Variants in KATNAL1 observed in about 807,000 individuals in gnomAD.
KATNAL1 encodes katanin p60 ATPase-containing subunit A-like 1.
KATNAL1 carries 32 observed loss-of-function variants against 55.2 expected under a neutral mutation model. That is an observed-to-expected ratio of 0.58 (90% CI 0.44 to 0.78). The LOEUF (loss-of-function observed/expected upper bound fraction) is 0.78, where lower values mean the gene tolerates loss of function less well. KATNAL1 is among the 30% of genes least tolerant of loss of function. KATNAL1 has a pLI of 0.00. For synonymous variants in KATNAL1, 193 were observed against 193.6 expected, an observed-to-expected ratio of 1.00 and a Z score of 0.02; for missense variants, 466 against 600.9, an observed-to-expected ratio of 0.78 and a Z score of 2.35.
At chr13:30,288,431 A>G (rs1162496277) in intron 1 of KATNAL1, among the ~76,000 whole-genome samples, 1 of 152,242 alleles carries the variant, frequency 6.6e-6, no homozygotes, top group Non-Finnish European at 1.5e-5. Context: ...CTCAGAAAAC[A>G]TACCTATTGC....
chr13:30,274,865 T>G (rs927460717), intron 3 of KATNAL1, among the ~76,000 whole-genome samples: 3 of 143,160 alleles, frequency 2.1e-5, no homozygotes, highest in Non-Finnish European at 3.1e-5. Flanking sequence ...GCATATATGT[T>G]GGGGGCGGGG....
intron 4 of KATNAL1, among the ~76,000 whole-genome samples, chr13:30,243,743 C>T (rs1230492852): frequency 2.0e-5 from 3 of 151,936 alleles, no homozygotes; most frequent in Admixed American, 6.6e-5. Flanking sequence ...TAAGCTACCA[C>T]GCATCGGAAA....
chr13:30,305,753 C>T (rs754354254), intron 1 of KATNAL1, among the ~76,000 whole-genome samples: 17 of 152,248 alleles, frequency 1.1e-4, no homozygotes, highest in Admixed American at 2.6e-4. Flanking sequence ...CTTATCTCTA[C>T]CACACTACTG....
At chr13:30,234,867 G>A (rs926405247) in intron 6 of KATNAL1, among the ~76,000 whole-genome samples, 8 of 152,154 alleles carry the variant, frequency 5.3e-5, no homozygotes, top group Non-Finnish European at 7.3e-5. Context: ...TTACCCTAGC[G>A]ACAGGATTAT....
At chr13:30,251,836 G>C (rs10488669) in intron 4 of KATNAL1, among the ~76,000 whole-genome samples, 16,566 of 152,202 alleles carry the variant, frequency 0.11, 1,157 homozygotes, top group Non-Finnish European at 0.16. Flanking sequence ...AATAAACAGA[G>C]TACTAACTAG....
At chr13:30,228,625 A>G (rs1254644490) in intron 8 of KATNAL1, among the ~76,000 whole-genome samples, 1 of 152,250 alleles carries the variant, frequency 6.6e-6, no homozygotes, top group Non-Finnish European at 1.5e-5. Context: ...TACTTTAGCA[A>G]AAGTTAACAT....
intron 3 of KATNAL1, among the ~76,000 whole-genome samples, chr13:30,264,039 C>T (rs76903390): frequency 0.69 from 98,001 of 141,968 alleles, 34,434 homozygotes; most frequent in East Asian, 0.89. Flanking sequence ...TATAGATCAA[C>T]GGAACAAAAC....
chr13:30,287,539 C>A (rs1041886625), intron 1 of KATNAL1, among the ~76,000 whole-genome samples: 9 of 152,200 alleles, frequency 5.9e-5, no homozygotes, highest in African/African-American at 1.9e-4. Flanking sequence ...TTCTTCATAG[C>A]AGCATGAGAA....
intron 4 of KATNAL1, among the ~76,000 whole-genome samples, chr13:30,251,580 C>G (rs1206844330): frequency 6.6e-6 from 1 of 152,156 alleles, no homozygotes; most frequent in East Asian, 1.9e-4. Context: ...ACCAAATCTG[C>G]TAGTGGCTTG....
intron 9 of KATNAL1, among the ~76,000 whole-genome samples, chr13:30,213,788 C>T (rs1433289747): frequency 6.6e-6 from 1 of 152,204 alleles, no homozygotes; most frequent in African/African-American, 2.4e-5. Context: ...ATAATAAGAG[C>T]TACCTATGAC....
At position 30,204,686 on chromosome 13, in the gene KATNAL1, T is replaced by TC. The variant is rs1358771995; in HGVS notation, c.*3853dup. The TC allele has an allele frequency of 6.6e-6, 1 of 152,230 alleles. No homozygotes were observed. Among genetic ancestry groups the TC allele is most frequent in the African/African-American group, 2.4e-5 (1 of 41,468 alleles). 9.4% of individuals were successfully genotyped at this position (152,230 alleles called of 1,614,324 possible). Reference sequence around the variant, plus strand: ...TTCCCCTGATGTATGTGTATGACTGTCCATAGATTCACCAGGTATTGGTTT... The same window carrying TC: ...TTCCCCTGATGTATGTGTATGACTGTCCCATAGATTCACCAGGTATTGGTTT... On this transcript the variant is annotated 3_prime_UTR_variant, in exon 11 of 11. Transcript: ENST00000380615.
intron 3 of KATNAL1, among the ~76,000 whole-genome samples, chr13:30,274,468 C>T (rs1880605239): frequency 6.6e-6 from 1 of 152,170 alleles, no homozygotes; most frequent in South Asian, 2.1e-4. Flanking sequence ...TATATGTATA[C>T]AGAAACACAG....
chr13:30,288,696 G>A (rs1224775505), intron 1 of KATNAL1, among the ~76,000 whole-genome samples: 1 of 152,198 alleles, frequency 6.6e-6, no homozygotes. Flanking sequence ...CAGATTGACA[G>A]CAGTTTCTCA....
chr13:30,244,197 T>C (rs1877557414), intron 4 of KATNAL1, among the ~76,000 whole-genome samples: 1 of 152,032 alleles, frequency 6.6e-6, no homozygotes, highest in Admixed American at 6.6e-5. Flanking sequence ...TTTCTGTTCC[T>C]GTGTTAGTTT....
At chr13:30,261,776 T>TTTCC (rs1435908194) in intron 3 of KATNAL1, among the ~76,000 whole-genome samples, 1 of 152,012 alleles carries the variant, frequency 6.6e-6, no homozygotes, top group African/African-American at 2.4e-5. Flanking sequence ...ATGGGAGACT[T>TTTCC]TAACACCCCA....
chr13:30,286,960 C>T (rs1046017075), intron 1 of KATNAL1, among the ~76,000 whole-genome samples: 1 of 152,200 alleles, frequency 6.6e-6, no homozygotes, highest in Non-Finnish European at 1.5e-5. Context: ...GCCTATATCC[C>T]TTTGTTTTAG....
Position 30,244,235 on chromosome 13 carries a change from C to G in KATNAL1, c.493-3149G>C, listed in dbSNP as rs375419426. On this transcript the variant is annotated intron_variant, in intron 4 of 10. Transcript: ENST00000380615. ...TGAGAATGATGGTTTCCAGCTTCAT[C>G]CATGTCCCTGCAAAGGACATGAACT... 1.8e-4 allele frequency among the ~76,000 whole-genome samples: 28 copies of G among 152,228 alleles called. No individual in the cohort carries two copies. In the East Asian group the frequency reaches 5.4e-3, roughly 29 times the overall value.
chr13:30,274,927 A>G (rs1295134973), intron 3 of KATNAL1, among the ~76,000 whole-genome samples: 33 of 150,950 alleles, frequency 2.2e-4, no homozygotes, highest in East Asian at 7.8e-4. Context: ...ACACACACAC[A>G]CACACACACA....
rs563013376 is a variant in KATNAL1 at position 30,307,462 on chromosome 13, T to C, written c.-146A>G. 5.0e-3 allele frequency: 768 copies of C among 152,084 alleles called. 5 individuals carry two copies. The highest frequency in any genetic ancestry group is 0.047 in the Middle Eastern group (14 of 298). 9.4% of individuals were successfully genotyped at this position (152,084 alleles called of 1,614,324 possible). A position where few individuals can be genotyped will look rare whatever the true frequency, so the allele number is the denominator to read the frequency against. ...GCGTGAAAAGGCGGCGGCGGCGTAG[T>C]GTTGCCATGGCAGCCGCGGCCGCGC... is the stretch of plus-strand genomic sequence containing the variant. On this transcript the variant is annotated 5_prime_UTR_variant, in exon 1 of 11. Transcript: ENST00000380615.
Sources: gnomAD v4.1 joint callset for allele counts (sites outside exome capture counted in the v4.1 genomes callset) on GRCh38, gnomAD v4.1.1 for gene constraint, MANE v1.5 for transcripts, NCBI Gene and HGNC (gene_info 2026-07-23, HGNC 2026-07-21) for gene names.